Variants in HIP1 observed in about 807,000 individuals in gnomAD.
HIP1 encodes the protein huntingtin interacting protein 1, also known as huntingtin-interacting protein 1.
Under a neutral mutation model 147.6 loss-of-function variants are expected in HIP1, and 65 were observed. That is an observed-to-expected ratio of 0.44 (90% CI 0.36 to 0.54). The LOEUF (loss-of-function observed/expected upper bound fraction) is 0.54, where lower values mean the gene tolerates loss of function less well. Ranked by LOEUF, HIP1 falls within the 20% of genes least tolerant of loss-of-function variation. HIP1 has a pLI of 0.00. For missense variants in HIP1, 1,061 were observed against 1,299.6 expected (o/e 0.82, Z 2.82); for synonymous variants, 479 against 504.0 (o/e 0.95, Z 0.67).
chr7:75,667,381 GAAA>G (rs1799593591), intron 1 of HIP1, among the ~76,000 whole-genome samples: 1 of 152,176 alleles, frequency 6.6e-6, no homozygotes, highest in Non-Finnish European at 1.5e-5. Flanking sequence ...ATATAGGCAT[GAAA>G]ATAGCAAAAC....
Position 75,556,029 on chromosome 7 carries a change from T to A in HIP1, c.1824A>T (p.Thr608=). ...CGTGTCCATGTCCGTGACTTGCCTC[T>A]GTGCTGGCCAGTTTGAGCTGAGTGT... ...LQDTQLKLAS[T]EESMCQLAKD... Residue 608 remains threonine (T), a synonymous_variant, in exon 18 of 31, where the codon ACA becomes ACT. Transcript: ENST00000336926. 1 of 1,614,080 alleles carries A rather than the reference T, an allele frequency of 6.2e-7. No individual in the cohort carries two copies. Among genetic ancestry groups the A allele is most frequent in the East Asian group, 2.2e-5 (1 of 44,882 alleles).
intron 1 of HIP1, among the ~76,000 whole-genome samples, chr7:75,728,294 G>C (rs1484321247): frequency 6.6e-6 from 1 of 152,126 alleles, no homozygotes; most frequent in East Asian, 1.9e-4. Context: ...TTAAATCACG[G>C]TCCCTCTCCC....
intron 1 of HIP1, among the ~76,000 whole-genome samples, chr7:75,600,516 A>C (rs1291918544): frequency 6.6e-6 from 1 of 152,010 alleles, no homozygotes; most frequent in African/African-American, 2.4e-5. Context: ...TTAGGTACAG[A>C]TTTTCTCCTT....
chr7:75,543,209 A>G (rs996029281), intron 27 of HIP1, among the ~76,000 whole-genome samples: 1 of 152,144 alleles, frequency 6.6e-6, no homozygotes, highest in African/African-American at 2.4e-5. Flanking sequence ...TTATTTGGAC[A>G]ATGTGCCCAG....
At chr7:75,560,886 C>T (rs782598328) in intron 13 of HIP1, among the ~76,000 whole-genome samples, 8 of 151,852 alleles carry the variant, frequency 5.3e-5, no homozygotes, top group Admixed American at 1.3e-4. Context: ...CACACCACCA[C>T]GCCTGGCTTG....
chr7:75,598,032 C>G (rs1796815177), intron 2 of HIP1, among the ~76,000 whole-genome samples: 1 of 152,146 alleles, frequency 6.6e-6, no homozygotes, highest in African/African-American at 2.4e-5. Flanking sequence ...AGGCTCTTGT[C>G]TTCTTCCCCC....
chr7:75,640,124 G>T (rs1427597673), intron 1 of HIP1, among the ~76,000 whole-genome samples: 7 of 152,230 alleles, frequency 4.6e-5, no homozygotes, highest in Non-Finnish European at 8.8e-5. Flanking sequence ...CCTGGCAAAT[G>T]CTCCTTTGGG....
chr7:75,592,205 C>A, intron 3 of HIP1, 93 bp from the exon 4 acceptor site: 2 of 1,398,368 alleles, frequency 1.4e-6, no homozygotes, highest in Admixed American at 1.7e-5. Context: ...GAACCTAGGG[C>A]AGGGGGACAG....
intron 7 of HIP1, among the ~76,000 whole-genome samples, chr7:75,576,883 T>C (rs1483206272): frequency 6.6e-6 from 1 of 152,224 alleles, no homozygotes; most frequent in Admixed American, 6.6e-5. Flanking sequence ...AACTTTTTAA[T>C]ATATTAGCCA....
At chr7:75,577,675 C>T (rs902249112) in intron 7 of HIP1, among the ~76,000 whole-genome samples, 5 of 152,236 alleles carry the variant, frequency 3.3e-5, no homozygotes, top group African/African-American at 9.6e-5. Context: ...GTCAGCATCT[C>T]GTGGTAACAA....
At chr7:75,699,366 T>C (rs536549749) in intron 1 of HIP1, among the ~76,000 whole-genome samples, 2 of 152,354 alleles carry the variant, frequency 1.3e-5, no homozygotes, top group South Asian at 4.1e-4. Context: ...AGTACTCTTA[T>C]TCTCTATGGT....
At chr7:75,657,556 A>G (rs919007782) in intron 1 of HIP1, among the ~76,000 whole-genome samples, 2 of 151,382 alleles carry the variant, frequency 1.3e-5, no homozygotes, top group Non-Finnish European at 2.9e-5. Context: ...AATTAAATTT[A>G]AAAAAAAGAA....
intron 1 of HIP1, among the ~76,000 whole-genome samples, chr7:75,613,511 C>G (rs1431251080): frequency 1.3e-5 from 2 of 152,130 alleles, no homozygotes; most frequent in African/African-American, 2.4e-5. Flanking sequence ...CTTCCTCCTC[C>G]CAGGCACTGC....
intron 1 of HIP1, among the ~76,000 whole-genome samples, chr7:75,658,812 T>G (rs1320749178): frequency 6.6e-6 from 1 of 151,692 alleles, no homozygotes; most frequent in Non-Finnish European, 1.5e-5. Context: ...GGTGGGAGGA[T>G]CATCTGAGCC....
chr7:75,669,233 C>T (rs1487742174), intron 1 of HIP1, among the ~76,000 whole-genome samples: 5 of 151,762 alleles, frequency 3.3e-5, no homozygotes, highest in Admixed American at 1.3e-4. Flanking sequence ...ATTAGGCTGG[C>T]ATGGCGGCGG....
Position 75,632,561 on chromosome 7 carries a change from CTTT to C in HIP1, c.121-33317_121-33315del, listed in dbSNP as rs58364410. Among the ~76,000 whole-genome samples, 995 of 134,262 alleles carry C rather than the reference CTTT, an allele frequency of 7.4e-3. 13 individuals carry two copies. The highest frequency in any genetic ancestry group is 0.018 in the African/African-American group (665 of 36,890). 88.1% of individuals were successfully genotyped at this position (134,262 alleles called of 152,430 possible). The stretch of plus-strand genomic sequence containing the variant: ...CACCACCATGCCTGGCTAATTTTTT[CTTT>C]TTTTTTTTTTTTTTGTAGAGACAGG... On this transcript the variant is annotated intron_variant, in intron 1 of 30. Coordinates refer to ENST00000336926, the MANE Select transcript of HIP1 (RefSeq NM_005338.7).
intron 1 of HIP1, among the ~76,000 whole-genome samples, chr7:75,664,481 CACAT>C (rs1563279560): frequency 2.9e-5 from 3 of 104,280 alleles, no homozygotes; most frequent in African/African-American, 9.3e-5. Context: ...TACGTATACA[CACAT>C]ATATACACAT....
chr7:75,614,908 G>A (rs1181887599), intron 1 of HIP1, among the ~76,000 whole-genome samples: 3 of 152,018 alleles, frequency 2.0e-5, no homozygotes, highest in Admixed American at 6.6e-5. Context: ...TGATAGCTGG[G>A]ATTACAGGCA....
At chr7:75,557,552 A>G in intron 16 of HIP1, 102 bp downstream of exon 16, 2 of 835,550 alleles carry the variant, frequency 2.4e-6, no homozygotes, top group Non-Finnish European at 4.1e-6. Flanking sequence ...TGTGATGCCA[A>G]CCGACCCACA....
Sources: gnomAD v4.1 joint callset for allele counts (sites outside exome capture counted in the v4.1 genomes callset) on GRCh38, gnomAD v4.1.1 for gene constraint, MANE v1.5 for transcripts, NCBI Gene and HGNC (gene_info 2026-07-23, HGNC 2026-07-21) for gene names.